The following ABCC10 variants were observed in gnomAD, a reference collection of about 807,000 sequenced individuals.
The protein encoded by ABCC10 is ATP-binding cassette sub-family C member 10.
In ABCC10, 110 loss-of-function variants were observed where a neutral mutation model predicts 143.2. The observed-to-expected ratio is 0.77, with a 90% confidence interval of 0.66 to 0.90. The LOEUF is 0.90. Among genes scored for constraint, ABCC10 ranks in the 40% least tolerant of loss-of-function variants. The pLI is 0.00. For missense variants in ABCC10, 1,700 were observed against 1,900.5 expected (o/e 0.89, Z 1.96); for synonymous variants, 805 against 846.7 (o/e 0.95, Z 0.85).
downstream of ABCC10, chr6:43,451,811 T>A: frequency 2.1e-6 from 3 of 1,417,308 alleles, no homozygotes; most frequent in South Asian, 3.3e-5. This position sits in a 1 kb window ranked among gnomAD's most constrained non-coding sequence, Gnocchi z 4.4. Context: ...CATGCAGGGG[T>A]TTTATCTGAG....
downstream of ABCC10, chr6:43,451,401 AT>A (rs1783725123): frequency 8.3e-7 from 1 of 1,201,026 alleles, no homozygotes; most frequent in Non-Finnish European, 1.1e-6. The surrounding 1 kb of genome is among the most constrained non-coding windows in gnomAD (Gnocchi z 4.4). Flanking sequence ...CAAATACCTC[AT>A]TTTAAAAATG....
chr6:43,447,882 G>C lies in ABCC10; in HGVS notation c.3904G>C (p.Gly1302Arg). 6.2e-7 allele frequency: 1 copy of C among 1,613,958 alleles called. No individual in the cohort carries two copies. Among genetic ancestry groups the C allele is most frequent in the Non-Finnish European group, 8.5e-7 (1 of 1,180,038 alleles). ...CTTCCGGCTGCTAGAGCCCAGTTCA[G>C]GGCGAGTGCTGCTGGACGGCGTGGA... ...VLFRLLEPSS[G>R]RVLLDGVDTS... The change falls in exon 18 of 22, where the codon GGG (glycine) becomes CGG (arginine). Residue 1302 changes from glycine to arginine, a missense_variant. By Grantham distance (125) the Gly-to-Arg change is moderately radical (BLOSUM62 -2). Coordinates refer to ENST00000372530, the MANE Select transcript of ABCC10 (RefSeq NM_001198934.2).
intron 12 of ABCC10, 150 bp downstream of exon 12, chr6:43,444,503 C>T (rs576383871): frequency 8.7e-7 from 1 of 1,151,694 alleles, no homozygotes; most frequent in African/African-American, 1.6e-5. Flanking sequence ...GAGAGATGCC[C>T]AGGGGCCAGA....
At chr6:43,440,083 A>T (rs915808730) in intron 8 of ABCC10, among the ~76,000 whole-genome samples, 4 of 152,056 alleles carry the variant, frequency 2.6e-5, no homozygotes, top group Admixed American at 2.0e-4. Flanking sequence ...CAGCCTCCTG[A>T]GTAGCTGGGA....
In ABCC10 at chr6:43,437,518, C is replaced by T. The variant is rs1001542947; in HGVS notation, c.1876-416C>T. The stretch of plus-strand genomic sequence containing the variant: ...TCTATGCAAAGCTCTGCTTTTTCCC[C>T]TGAGATATGGTAACTCTAGCCACAG... On this transcript the variant is annotated intron_variant, in intron 6 of 21. Transcript: ENST00000372530. 6.1e-4 allele frequency among the ~76,000 whole-genome samples: 92 copies of T among 151,256 alleles called. 1 individual carries two copies. The highest frequency in any genetic ancestry group is 2.1e-3 in the African/African-American group (88 of 40,940).
intron 15 of ABCC10, 126 bp from the exon 16 acceptor site, chr6:43,446,151 C>T: frequency 8.1e-7 from 1 of 1,240,006 alleles, no homozygotes; most frequent in Non-Finnish European, 1.1e-6. Context: ...CTGAGGGAGG[C>T]CTGTGGGTAT....
rs200796361 is a variant in ABCC10, at chr6:43,441,965, G to C, written c.2226+5G>C. ...CTTGCTCGTGCTGTCTACCAGGTCA[G>C]TTAAAGATGGAGGTTGCAGTGGCAG... On this transcript the variant is annotated splice_donor_5th_base_variant and intron_variant, in intron 9 of 21. Transcript: ENST00000372530. 23 of 1,613,238 alleles carry C rather than the reference G, an allele frequency of 1.4e-5. No homozygotes were observed. The highest frequency in any genetic ancestry group is 1.0e-4 in the Admixed American group (6 of 59,966).
Position 43,432,776 on chromosome 6 carries a change from C to T in ABCC10, c.796C>T (p.His266Tyr), listed in dbSNP as rs751085306. The stretch of plus-strand genomic sequence containing the variant: ...CTACCTGGCTCGTGTCTTCCAGGCA[C>T]ACTGGCAGGAGGGGGCACGGCTGTG... ...PTYLARVFQA[H>Y]WQEGARLWRA... The change falls in exon 3 of 22, where the codon CAC becomes TAC. Residue 266 changes from histidine (H) to tyrosine (Y), a missense_variant. Coordinates refer to ENST00000372530, the MANE Select transcript of ABCC10 (RefSeq NM_001198934.2). 1.9e-6 allele frequency: 3 copies of T among 1,614,212 alleles called. No individual in the cohort carries two copies. Among genetic ancestry groups the T allele is most frequent in the South Asian group, 1.1e-5 (1 of 91,086 alleles).
chr6:43,446,649 G>A lies in ABCC10; in HGVS notation c.3544+203G>A, dbSNP rs895655872. ...GACTTGCCCAGGTGGTGGTGGCTTG[G>A]GGACTAGAATGAGTCTTCTGAGCTG... On this transcript the variant is annotated intron_variant, in intron 16 of 21. Transcript: ENST00000372530. 8.1e-6 allele frequency: 8 copies of A among 985,124 alleles called. No individual in the cohort carries two copies. The African/African-American group carries it at 1.4e-4, about 17-fold the overall frequency. The allele number at this position is 985,124 out of a possible 1,614,324, so 61.0% of individuals were successfully genotyped here.
Position 43,434,714 on chromosome 6 carries a change from G to T in ABCC10, c.1474G>T (p.Glu492Ter). 1.9e-6 allele frequency: 3 copies of T among 1,614,172 alleles called. No homozygotes were observed. The highest frequency in any genetic ancestry group is 1.7e-6 in the Non-Finnish European group (2 of 1,180,024). ...CCGAGTAGAGGCCTGCCGGGCTCGA[G>T]AGCTGGGGCGACTCCGGGTCATCAA... is the stretch of plus-strand genomic sequence containing the variant. ...GARVEACRARELGRLRVIKYL... is the reference protein window; with the variant it reads ...GARVEACRAR Residue 492 changes from glutamate (E) to a stop codon, truncating the protein, a stop_gained, in exon 4 of 22, where the codon GAG (glutamate) becomes TAG (stop). Transcript: ENST00000372530. LOFTEE classifies it high-confidence loss of function.
At chr6:43,449,269 G>A in intron 20 of ABCC10, 65 bp downstream of exon 20, 1 of 1,574,354 alleles carries the variant, frequency 6.4e-7, no homozygotes, top group Non-Finnish European at 8.7e-7. Flanking sequence ...GAGGTGGGGA[G>A]GTAGAGTGGG....
rs77430274 is a variant in ABCC10, at chr6:43,445,200, G to A, written c.2916G>A (p.Ala972=). Residue 972 remains alanine, a synonymous_variant, in exon 14 of 22, where the codon GCG becomes GCA. Coordinates refer to ENST00000372530, the MANE Select transcript of ABCC10 (RefSeq NM_001198934.2). ...TCCGTTTCTACCTCACCGTGTATGC[G>A]ACCATTGCTGGTGTAAATTCCCTCT... ...SDIRFYLTVY[A]TIAGVNSLCT... is the part of the protein sequence containing the mutation. The A allele has an allele frequency of 5.1e-5, 82 of 1,613,902 alleles. No individual in the cohort carries two copies. The highest frequency in any genetic ancestry group is 6.7e-5 in the Admixed American group (4 of 59,986).
chr6:43,445,487 C>G (rs1193448199), intron 14 of ABCC10, 112 bp from the exon 15 acceptor site: 7 of 1,377,334 alleles, frequency 5.1e-6, no homozygotes, highest in African/African-American at 1.4e-5. Context: ...TATTTTAGTC[C>G]TTCCCTATTC....
In ABCC10 at chr6:43,450,210, GA is replaced by G; in HGVS notation, c.*121del. 1 of 1,274,536 alleles carries G rather than the reference GA, an allele frequency of 7.8e-7. No individual in the cohort carries two copies. The highest frequency in any genetic ancestry group is 1.1e-6 in the Non-Finnish European group (1 of 926,004). 79.0% of individuals were successfully genotyped at this position (1,274,536 alleles called of 1,614,324 possible). A position where few individuals can be genotyped will look rare whatever the true frequency, so the allele number is the denominator to read the frequency against. On this transcript the variant is annotated 3_prime_UTR_variant, in exon 22 of 22. Coordinates refer to ENST00000372530, the MANE Select transcript of ABCC10 (RefSeq NM_001198934.2). This position sits in a 1 kb window ranked among gnomAD's most constrained non-coding sequence, Gnocchi z 4.5. ...GGCTCTACCTCTCCACACTTCCCCA[GA>G]AGGGAAAAGGGCACCCTGGATTACT...
chr6:43,440,343 C>A (rs1562186462), intron 8 of ABCC10, among the ~76,000 whole-genome samples: 1 of 152,170 alleles, frequency 6.6e-6, no homozygotes, highest in Non-Finnish European at 1.5e-5. Flanking sequence ...AAAGGGATTC[C>A]CTTCCTCACG....
Position 43,447,711 on chromosome 6 carries a change from G to A in ABCC10, c.3733G>A (p.Gly1245Ser). 1.9e-6 allele frequency: 3 copies of A among 1,614,120 alleles called. No homozygotes were observed. The highest frequency in any genetic ancestry group is 2.5e-6 in the Non-Finnish European group (3 of 1,180,020). The change falls in exon 18 of 22, where the codon GGC (glycine) becomes AGC (serine). Residue 1245 changes from glycine (G) to serine (S), a missense_variant. Gly to Ser is a moderately conservative substitution (Grantham distance 56). Transcript: ENST00000372530. ...GGGCACCGGCTGGCTGACCCAGGGG[G>A]GCGTGGAGTTCCAGGACGTGGTGTT... ...QLGTGWLTQG[G>S]VEFQDVVLAY...
Position 43,445,326 on chromosome 6 carries a change from G to A in ABCC10, c.3030+12G>A. 6.2e-7 allele frequency: 1 copy of A among 1,609,390 alleles called. No individual in the cohort carries two copies. Among genetic ancestry groups the A allele is most frequent in the Middle Eastern group, 1.7e-4 (1 of 6,042 alleles). On this transcript the variant is annotated intron_variant, in intron 14 of 21. Coordinates refer to ENST00000372530, the MANE Select transcript of ABCC10 (RefSeq NM_001198934.2). ...ATCGAGTCCTTATGGTGAGGGGCTGGGACCTCGGGGGTAGGGGAGTGCAGT... is the reference window on the plus strand; with the variant it reads ...ATCGAGTCCTTATGGTGAGGGGCTGAGACCTCGGGGGTAGGGGAGTGCAGT...
chr6:43,433,170 G>A lies in ABCC10; in HGVS notation c.1190G>A (p.Ser397Asn). ...DSERLLNFAG[S>N]FHEAWGLPLQ... ...GAACGGCTGCTTAACTTTGCTGGGA[G>A]CTTCCATGAAGCCTGGGGCCTGCCC... Residue 397 changes from serine (S) to asparagine (N), a missense_variant, in exon 3 of 22, where the codon AGC (serine) becomes AAC (asparagine). By Grantham distance (46) the Ser-to-Asn change is conservative. Transcript: ENST00000372530. The A allele has an allele frequency of 6.2e-7, 1 of 1,614,096 alleles. No homozygotes were observed. Among genetic ancestry groups the A allele is most frequent in the Non-Finnish European group, 8.5e-7 (1 of 1,179,950 alleles).
intron 2 of ABCC10, among the ~76,000 whole-genome samples, chr6:43,429,420 A>C (rs562433302): frequency 7.4e-5 from 3 of 40,680 alleles, no homozygotes; most frequent in East Asian, 1.2e-3. Flanking sequence ...GGCGGGGGGG[A>C]GGGGGGATTG....
Sources: allele counts gnomAD v4.1 joint callset (sites outside exome capture counted in the v4.1 genomes callset), GRCh38; gene constraint gnomAD v4.1.1; non-coding constraint Gnocchi (gnomAD v3.1); transcripts MANE v1.5; gene names NCBI Gene and HGNC (gene_info 2026-07-23, HGNC 2026-07-21).